Variants in KLF12 observed in about 807,000 individuals in gnomAD.
KLF12 encodes the protein Krueppel-like factor 12.
A neutral mutation model predicts 37.8 loss-of-function variants in KLF12; 9 were observed. The observed-to-expected ratio is 0.24, with a 90% confidence interval of 0.14 to 0.42. The LOEUF is 0.42. KLF12 is among the 10% of genes least tolerant of loss of function. The probability of loss-of-function intolerance (pLI) is 1.00; values close to 1 mark genes in which losing one functional copy is unlikely to be tolerated. For missense variants in KLF12, 411 were observed against 516.0 expected, an observed-to-expected ratio of 0.80 and a Z score of 1.97; for synonymous variants, 208 against 202.1, an observed-to-expected ratio of 1.03 and a Z score of -0.25.
intron 5 of KLF12, among the ~76,000 whole-genome samples, chr13:73,799,710 C>G (rs930209536): frequency 3.9e-5 from 6 of 152,078 alleles, no homozygotes; most frequent in Non-Finnish European, 7.4e-5. Flanking sequence ...TTTTCCCAAT[C>G]AATTTTCTGA....
the KLF12 span, among the ~76,000 whole-genome samples, chr13:74,203,124 T>C: frequency 1.7e-4 from 26 of 151,986 alleles, no homozygotes; most frequent in Admixed American, 1.7e-3. Context: ...AAGAGGCAAT[T>C]AGTTTTGGAA....
intron 6 of KLF12, among the ~76,000 whole-genome samples, chr13:73,729,738 A>C (rs1034374708): frequency 6.6e-6 from 1 of 152,236 alleles, no homozygotes; most frequent in Admixed American, 6.5e-5. Flanking sequence ...GATTAGTAGC[A>C]GTCAGCTGTG....
intron 3 of KLF12, among the ~76,000 whole-genome samples, chr13:73,861,791 G>T (rs1255791439): frequency 6.6e-6 from 1 of 152,008 alleles, no homozygotes; most frequent in African/African-American, 2.4e-5. Context: ...ACCTCCGTGG[G>T]TATGTGAATA....
chr13:73,795,065 A>G (rs949949690), intron 5 of KLF12, among the ~76,000 whole-genome samples: 4 of 152,252 alleles, frequency 2.6e-5, no homozygotes, highest in Non-Finnish European at 5.9e-5. Flanking sequence ...TGGATTTTAC[A>G]AGCATGAGAT....
chr13:74,149,803 C>G, the KLF12 span, among the ~76,000 whole-genome samples: 1 of 152,110 alleles, frequency 6.6e-6, no homozygotes, highest in Non-Finnish European at 1.5e-5. Flanking sequence ...CCAGGTTTCT[C>G]TCTCATTATT....
the KLF12 span, among the ~76,000 whole-genome samples, chr13:74,283,036 T>C: frequency 1.3e-5 from 2 of 152,182 alleles, no homozygotes. Context: ...AGCAAGAATG[T>C]TAAAAAGTGT....
At chr13:74,050,654 G>A (rs1872861232) in intron 1 of KLF12, among the ~76,000 whole-genome samples, 1 of 152,102 alleles carries the variant, frequency 6.6e-6, no homozygotes, top group African/African-American at 2.4e-5. Flanking sequence ...TACTGTTATT[G>A]GTCTGGTCAA....
chr13:73,732,898 G>A (rs1877177674), intron 6 of KLF12, among the ~76,000 whole-genome samples: 1 of 152,050 alleles, frequency 6.6e-6, no homozygotes, highest in South Asian at 2.1e-4. Context: ...AGTTTTCCCT[G>A]TCTCAGGAAA....
the KLF12 span, among the ~76,000 whole-genome samples, chr13:74,221,163 C>G: frequency 3.3e-5 from 5 of 152,032 alleles, no homozygotes; most frequent in South Asian, 2.1e-4. Flanking sequence ...GCCGCCACCA[C>G]GCCCGGCTAA....
the KLF12 span, among the ~76,000 whole-genome samples, chr13:74,183,492 T>G: frequency 6.6e-6 from 1 of 152,168 alleles, no homozygotes; most frequent in Non-Finnish European, 1.5e-5. Context: ...GAAAACACTT[T>G]AATGTTCTTG....
intron 5 of KLF12, among the ~76,000 whole-genome samples, chr13:73,781,951 A>G (rs1451346645): frequency 6.6e-6 from 1 of 152,238 alleles, no homozygotes; most frequent in African/African-American, 2.4e-5. Flanking sequence ...AATCATACAA[A>G]GGATTAACAT....
At chr13:74,306,004 C>G in the KLF12 span, among the ~76,000 whole-genome samples, 1 of 152,044 alleles carries the variant, frequency 6.6e-6, no homozygotes, top group Admixed American at 6.6e-5. Flanking sequence ...ACCTAGCTCT[C>G]AGGCATGATA....
the KLF12 span, chr13:74,289,253 A>G: frequency 6.6e-6 from 1 of 152,220 alleles, no homozygotes; most frequent in Admixed American, 6.5e-5. Flanking sequence ...CCATACAAGT[A>G]CAGACATGGA....
At chr13:74,080,514 G>T (rs1370321765) in intron 1 of KLF12, among the ~76,000 whole-genome samples, 2 of 147,204 alleles carry the variant, frequency 1.4e-5, no homozygotes, top group African/African-American at 5.2e-5. Context: ...AAATGGTTAA[G>T]ATGGTCCAAA....
the KLF12 span, among the ~76,000 whole-genome samples, chr13:74,275,875 TTTC>T: frequency 0.01 from 850 of 84,996 alleles, 11 homozygotes; most frequent in Non-Finnish European, 0.011. Context: ...TCTATCTTTC[TTTC>T]TTCTTTCTTT....
intron 4 of KLF12, among the ~76,000 whole-genome samples, chr13:73,818,429 G>T (rs1566391670): frequency 6.6e-6 from 1 of 152,206 alleles, no homozygotes; most frequent in Non-Finnish European, 1.5e-5. Context: ...CAGCTCACAT[G>T]AGACATTTAA....
chr13:73,770,599 T>C (rs964739914), intron 5 of KLF12, among the ~76,000 whole-genome samples: 1 of 152,062 alleles, frequency 6.6e-6, no homozygotes, highest in South Asian at 2.1e-4. Context: ...CTTGGCTCAC[T>C]GAAACCTCTG....
At chr13:74,199,435 A>C in the KLF12 span, among the ~76,000 whole-genome samples, 6 of 152,206 alleles carry the variant, frequency 3.9e-5, no homozygotes. Flanking sequence ...CTGGTAGTGC[A>C]TGAATTATTA....
chr13:73,861,570 C>T (rs1163063523), intron 3 of KLF12, among the ~76,000 whole-genome samples: 3 of 152,294 alleles, frequency 2.0e-5, no homozygotes, highest in African/African-American at 7.2e-5. Flanking sequence ...AAGACAGTTC[C>T]CATGACAAAG....
Sources: gnomAD v4.1 joint callset for allele counts (sites outside exome capture counted in the v4.1 genomes callset) on GRCh38, gnomAD v4.1.1 for gene constraint, MANE v1.5 for transcripts, NCBI Gene and HGNC (gene_info 2026-07-23, HGNC 2026-07-21) for gene names.